SCHIP1: variants seen among roughly 807,000 people sequenced by gnomAD.
SCHIP1 encodes schwannomin interacting protein 1.
Under a neutral mutation model 29.7 loss-of-function variants are expected in SCHIP1, and 8 were observed. The ratio of observed to expected loss-of-function variants is 0.27; its 90% CI spans 0.16 to 0.49. The LOEUF is 0.49. Ranked by LOEUF, SCHIP1 falls within the 20% of genes least tolerant of loss-of-function variation. SCHIP1 has a pLI of 0.99. For missense variants in SCHIP1, 193 were observed against 294.6 expected (o/e 0.66, Z 2.52); for synonymous variants, 76 against 94.9 (o/e 0.80, Z 1.16).
chr3:159,391,798 A>G, the SCHIP1 span, among the ~76,000 whole-genome samples: 9 of 152,286 alleles, frequency 5.9e-5, no homozygotes, highest in Admixed American at 5.2e-4. Flanking sequence ...ATTAAAGTCA[A>G]TTTCTATACT....
chr3:159,746,503 T>A, the SCHIP1 span, among the ~76,000 whole-genome samples: 1 of 152,162 alleles, frequency 6.6e-6, no homozygotes, highest in Non-Finnish European at 1.5e-5. Context: ...CTGCTGACTG[T>A]CTGGCACTCT....
chr3:159,523,484 G>A, the SCHIP1 span, among the ~76,000 whole-genome samples: 44 of 152,070 alleles, frequency 2.9e-4, no homozygotes, highest in African/African-American at 1.0e-3. Flanking sequence ...GTAGGTTTTT[G>A]TCTTTTAAAA....
the SCHIP1 span, among the ~76,000 whole-genome samples, chr3:159,809,755 C>G: frequency 6.6e-6 from 1 of 151,844 alleles, no homozygotes; most frequent in African/African-American, 2.4e-5. Context: ...AATCCTAGCA[C>G]TTTGGGAAGC....
chr3:159,508,833 C>T, the SCHIP1 span, among the ~76,000 whole-genome samples: 5 of 152,232 alleles, frequency 3.3e-5, no homozygotes, highest in South Asian at 4.1e-4. Context: ...GTCTGAGAGA[C>T]AGTTTGTTAT....
At chr3:159,734,959 C>T in the SCHIP1 span, among the ~76,000 whole-genome samples, 10 of 152,230 alleles carry the variant, frequency 6.6e-5, no homozygotes, top group Non-Finnish European at 1.0e-4. Flanking sequence ...CTGGGAAACC[C>T]ATTCCTAATC....
At chr3:159,598,996 TAA>T in the SCHIP1 span, among the ~76,000 whole-genome samples, 1 of 152,204 alleles carries the variant, frequency 6.6e-6, no homozygotes, top group Admixed American at 6.5e-5. Flanking sequence ...CTTCTTGACT[TAA>T]AGTCTATTTT....
chr3:159,888,684 C>T (rs1717192286), intron 4 of SCHIP1, 136 bp from the exon 6 acceptor site: 1 of 1,345,208 alleles, frequency 7.4e-7, no homozygotes, highest in African/African-American at 1.5e-5. Context: ...TTGGGAAAGA[C>T]ACAGACTGGG....
rs534316330 is a variant in SCHIP1 at position 159,873,526 on chromosome 3, C to A, written c.149+7245C>A. Among the ~76,000 whole-genome samples, 7 of 152,296 alleles carry A rather than the reference C, an allele frequency of 4.6e-5. No individual in the cohort carries two copies. In the East Asian group the frequency reaches 1.3e-3, roughly 29 times the overall value. On this transcript the variant is annotated intron_variant, in intron 2 of 6. Coordinates refer to ENST00000445224, the Ensembl canonical transcript of SCHIP1. ...CTCCTAAAGCACTTCTTAAGAGTGA[C>A]AAGTTGTTAAATGAAAGCTAGGCTT...
chr3:159,704,864 TTTTCTTTCTTTCTTTCTTTC>T, the SCHIP1 span, among the ~76,000 whole-genome samples: 15 of 133,322 alleles, frequency 1.1e-4, 1 homozygote, highest in East Asian at 4.5e-4. Context: ...TTCCTTCCTT[TTTTCTTTCTTTCTTTCTTTC>T]TTTCTTTCTT....
At chr3:159,401,144 G>C in the SCHIP1 span, 1 of 975,496 alleles carries the variant, frequency 1.0e-6, no homozygotes, top group Non-Finnish European at 1.2e-6. Flanking sequence ...AAGGCCTCAA[G>C]TGTAAGATAT....
chr3:159,499,007 G>A, the SCHIP1 span, among the ~76,000 whole-genome samples: 1 of 152,016 alleles, frequency 6.6e-6, no homozygotes, highest in Admixed American at 6.6e-5. Flanking sequence ...CTTGACCCTG[G>A]GCAGCTTGTA....
At chr3:159,601,466 A>G in the SCHIP1 span, among the ~76,000 whole-genome samples, 4 of 152,206 alleles carry the variant, frequency 2.6e-5, no homozygotes, top group African/African-American at 9.6e-5. Context: ...TCACCACCTC[A>G]GACAGGTAGC....
At chr3:159,888,406 A>C (rs1464267691) in intron 4 of SCHIP1, 1 of 203,094 alleles carries the variant, frequency 4.9e-6, no homozygotes, top group East Asian at 1.3e-4. Context: ...TGCCTGTGTC[A>C]GAGTATGATT....
At chr3:159,774,064 C>G in the SCHIP1 span, among the ~76,000 whole-genome samples, 1 of 152,224 alleles carries the variant, frequency 6.6e-6, no homozygotes, top group East Asian at 1.9e-4. Flanking sequence ...TTTGAGTGTT[C>G]CCTGGTGAGA....
At chr3:159,790,867 G>T in the SCHIP1 span, among the ~76,000 whole-genome samples, 1 of 152,042 alleles carries the variant, frequency 6.6e-6, no homozygotes, top group Non-Finnish European at 1.5e-5. Flanking sequence ...ATGAAAAATG[G>T]GATTTGTTTC....
the SCHIP1 span, among the ~76,000 whole-genome samples, chr3:159,652,877 G>A: frequency 2.0e-5 from 3 of 152,132 alleles, no homozygotes; most frequent in Admixed American, 2.0e-4. Context: ...GGATAAAACT[G>A]GAGATCACTG....
chr3:159,278,905 C>T, the SCHIP1 span, among the ~76,000 whole-genome samples: 1 of 152,136 alleles, frequency 6.6e-6, no homozygotes, highest in Non-Finnish European at 1.5e-5. Flanking sequence ...ATTCAGAGAA[C>T]CCAGGATGGT....
chr3:159,679,845 C>T, the SCHIP1 span, among the ~76,000 whole-genome samples: 2 of 152,098 alleles, frequency 1.3e-5, no homozygotes, highest in East Asian at 3.9e-4. Flanking sequence ...TCTGTGTTCT[C>T]TCTCTACTCA....
At chr3:159,606,725 A>G in the SCHIP1 span, among the ~76,000 whole-genome samples, 2 of 152,294 alleles carry the variant, frequency 1.3e-5, no homozygotes, top group African/African-American at 4.8e-5. Flanking sequence ...TAAACAATAT[A>G]ATCATGCGAT....
Sources: allele counts gnomAD v4.1 joint callset (sites outside exome capture counted in the v4.1 genomes callset), GRCh38; gene constraint gnomAD v4.1.1; transcripts MANE v1.5; gene names NCBI Gene and HGNC (gene_info 2026-07-23, HGNC 2026-07-21).